DCC: variants seen among roughly 807,000 people sequenced by gnomAD.
The protein encoded by DCC is DCC netrin 1 receptor.
Under a neutral mutation model 172.5 loss-of-function variants are expected in DCC, and 58 were observed. That is an observed-to-expected ratio of 0.34 (90% CI 0.27 to 0.42). The LOEUF is 0.42. Ranked by LOEUF, DCC falls within the 10% of genes least tolerant of loss-of-function variation. The pLI is 1.00. For synonymous variants in DCC, 709 were observed against 644.5 expected (o/e 1.10, Z -1.52); for missense variants, 1,740 against 1,791.0 (o/e 0.97, Z 0.51).
intron 15 of DCC, among the ~76,000 whole-genome samples, chr18:53,354,713 G>A (rs1201475296): frequency 2.0e-5 from 3 of 151,364 alleles, no homozygotes; most frequent in Middle Eastern, 3.4e-3. Flanking sequence ...TAGGTTGCCT[G>A]TTCACTCTGA....
intron 3 of DCC, among the ~76,000 whole-genome samples, chr18:52,920,641 A>T (rs1274807585): frequency 6.6e-6 from 1 of 152,158 alleles, no homozygotes; most frequent in Admixed American, 6.6e-5. Flanking sequence ...TCACAAAGCT[A>T]AACAGTTTTA....
intron 1 of DCC, among the ~76,000 whole-genome samples, chr18:52,659,437 A>G (rs1002034957): frequency 5.3e-4 from 81 of 152,154 alleles, no homozygotes; most frequent in African/African-American, 2.0e-3. Flanking sequence ...TCTTAACCCA[A>G]CGATAATGAA....
At chr18:52,434,940 G>T (rs1987743080) in intron 1 of DCC, among the ~76,000 whole-genome samples, 1 of 152,126 alleles carries the variant, frequency 6.6e-6, no homozygotes, top group Non-Finnish European at 1.5e-5. Context: ...CCTGTAGATT[G>T]CAATGTTTGC....
chr18:52,851,069 TTAA>T (rs1368388009), intron 2 of DCC, among the ~76,000 whole-genome samples: 13 of 152,252 alleles, frequency 8.5e-5, no homozygotes, highest in African/African-American at 3.1e-4. Context: ...ATAATTATAA[TTAA>T]TAACACATTC....
intron 15 of DCC, among the ~76,000 whole-genome samples, chr18:53,370,477 C>T (rs2058049411): frequency 6.6e-6 from 1 of 151,620 alleles, no homozygotes; most frequent in South Asian, 2.1e-4. Flanking sequence ...TTCCTTCTAG[C>T]TTTGGATTTA....
chr18:53,339,497 G>T (rs1348994772), intron 14 of DCC, among the ~76,000 whole-genome samples: 1 of 152,136 alleles, frequency 6.6e-6, no homozygotes, highest in Non-Finnish European at 1.5e-5. Flanking sequence ...CATGCCCATG[G>T]AAAGAACTCG....
chr18:52,835,299 TA>T (rs1388994873), intron 2 of DCC, among the ~76,000 whole-genome samples: 1 of 151,810 alleles, frequency 6.6e-6, no homozygotes, highest in Non-Finnish European at 1.5e-5. Flanking sequence ...AATTCAATTT[TA>T]AAACACCACT....
chr18:52,407,524 T>C (rs991414848), intron 1 of DCC, among the ~76,000 whole-genome samples: 1 of 152,046 alleles, frequency 6.6e-6, no homozygotes, highest in South Asian at 2.1e-4. Context: ...CACGCCCTTA[T>C]ATAAGGGCCT....
intron 7 of DCC, among the ~76,000 whole-genome samples, chr18:53,113,522 T>G (rs1250834190): frequency 6.6e-6 from 1 of 151,450 alleles, no homozygotes; most frequent in Admixed American, 6.6e-5. Flanking sequence ...TTTATTTGTT[T>G]ACTTTGGCTT....
chr18:52,993,510 G>A (rs953395468), intron 5 of DCC, among the ~76,000 whole-genome samples: 4 of 149,910 alleles, frequency 2.7e-5, no homozygotes, highest in East Asian at 2.1e-4. Context: ...TGAGAAACTC[G>A]GGTTCTATTA....
intron 9 of DCC, among the ~76,000 whole-genome samples, chr18:53,195,748 C>T (rs1823071891): frequency 6.6e-6 from 1 of 152,078 alleles, no homozygotes; most frequent in Admixed American, 6.6e-5. Context: ...CTTAATTGTT[C>T]TTCAAGAAAT....
intron 1 of DCC, among the ~76,000 whole-genome samples, chr18:52,423,818 G>A (rs1299997119): frequency 1.3e-5 from 2 of 152,128 alleles, no homozygotes; most frequent in African/African-American, 2.4e-5. Context: ...TGTTTAAAGT[G>A]TGACCTTTTC....
chr18:53,023,224 A>G (rs1225604150), intron 5 of DCC, among the ~76,000 whole-genome samples: 4 of 151,802 alleles, frequency 2.6e-5, no homozygotes, highest in Non-Finnish European at 5.9e-5. Context: ...TGTTTAAGAA[A>G]TAATTTCAAG....
chr18:53,322,474 C>T (rs919361310), intron 14 of DCC, among the ~76,000 whole-genome samples: 2 of 152,042 alleles, frequency 1.3e-5, no homozygotes, highest in East Asian at 1.9e-4. Context: ...TTAACCATTT[C>T]GTTCACAAGA....
At chr18:53,522,313 A>T (rs1345199612) in intron 27 of DCC, among the ~76,000 whole-genome samples, 1 of 152,042 alleles carries the variant, frequency 6.6e-6, no homozygotes, top group Non-Finnish European at 1.5e-5. Flanking sequence ...GAGTAGAGGT[A>T]AACCATTCAC....
intron 1 of DCC, among the ~76,000 whole-genome samples, chr18:52,625,753 C>T (rs1185095945): frequency 1.3e-5 from 2 of 152,128 alleles, no homozygotes; most frequent in African/African-American, 4.8e-5. Flanking sequence ...ACTCTGAGCC[C>T]CTCTGATCAG....
chr18:52,779,105 C>T (rs1397216987), intron 2 of DCC, among the ~76,000 whole-genome samples: 1 of 152,120 alleles, frequency 6.6e-6, no homozygotes, highest in African/African-American at 2.4e-5. Flanking sequence ...TTATCTTTCA[C>T]CTTGTTCTTT....
intron 12 of DCC, among the ~76,000 whole-genome samples, chr18:53,230,850 G>A (rs1320090872): frequency 1.3e-5 from 2 of 151,908 alleles, no homozygotes; most frequent in Non-Finnish European, 2.9e-5. Flanking sequence ...ATAGTTGATA[G>A]TAAATTCAGT....
At chr18:53,507,405 A>G (rs2046194085) in intron 27 of DCC, among the ~76,000 whole-genome samples, 1 of 152,238 alleles carries the variant, frequency 6.6e-6, no homozygotes, top group Admixed American at 6.5e-5. Context: ...TACCTAAAAG[A>G]CTGTGTGAAA....
Sources: gnomAD v4.1 joint callset for allele counts (sites outside exome capture counted in the v4.1 genomes callset) on GRCh38, gnomAD v4.1.1 for gene constraint, MANE v1.5 for transcripts, NCBI Gene and HGNC (gene_info 2026-07-23, HGNC 2026-07-21) for gene names.